SLC60A2: variants seen among roughly 807,000 people sequenced by gnomAD.
SLC60A2 encodes major facilitator superfamily domain containing 4B.
chr6:111,266,599 A>G, the SLC60A2 span: 8 of 1,614,226 alleles, frequency 5.0e-6, no homozygotes, highest in Middle Eastern at 3.3e-4. Context: ...TGGATTGAGC[A>G]GTACACGACC....
the SLC60A2 span, among the ~76,000 whole-genome samples, chr6:111,263,065 T>G: frequency 1.3e-5 from 2 of 152,066 alleles, no homozygotes; most frequent in South Asian, 4.2e-4. Flanking sequence ...AGCCTTCCAA[T>G]TAACTGGGAC....
chr6:111,262,446 GCTT>G, the SLC60A2 span: 1 of 1,594,486 alleles, frequency 6.3e-7, no homozygotes, highest in Non-Finnish European at 8.6e-7. Context: ...GCTAATTTTA[GCTT>G]CTTTATGACT....
the SLC60A2 span, chr6:111,259,525 C>T: frequency 1.8e-6 from 1 of 557,614 alleles, no homozygotes; most frequent in Non-Finnish European, 3.0e-6. Context: ...GACGACTTCT[C>T]CGGAGCCGCC....
At chr6:111,279,581 GA>G in the SLC60A2 span, among the ~76,000 whole-genome samples, 9 of 150,808 alleles carry the variant, frequency 6.0e-5, no homozygotes, top group Non-Finnish European at 1.0e-4. Context: ...TGGAGAGGAA[GA>G]GATCTCATGT....
At chr6:111,263,710 C>T in the SLC60A2 span, 11 of 588,214 alleles carry the variant, frequency 1.9e-5, no homozygotes, top group East Asian at 1.4e-4. Flanking sequence ...CAAAAACTCT[C>T]ATCTACTCAT....
the SLC60A2 span, among the ~76,000 whole-genome samples, chr6:111,261,610 C>G: frequency 6.6e-6 from 1 of 152,014 alleles, no homozygotes; most frequent in Non-Finnish European, 1.5e-5. Flanking sequence ...TTTATTCTTT[C>G]TGAGACAGAG....
chr6:111,265,885 T>A, the SLC60A2 span: 1 of 1,607,970 alleles, frequency 6.2e-7, no homozygotes, highest in African/African-American at 1.3e-5. Flanking sequence ...GGTGGTAACG[T>A]CCTTATCTTG....
chr6:111,278,239 T>A, the SLC60A2 span: 1 of 152,234 alleles, frequency 6.6e-6, no homozygotes, highest in Non-Finnish European at 1.5e-5. Context: ...AAACAGTAAC[T>A]GCCTCATGTA....
the SLC60A2 span, chr6:111,271,011 T>G: frequency 8.5e-6 from 1 of 117,650 alleles, no homozygotes; most frequent in Non-Finnish European, 2.2e-5. Flanking sequence ...AGTGGGTGAG[T>G]TATCGCAGAG....
At chr6:111,262,363 AT>A in the SLC60A2 span, 1 of 1,614,134 alleles carries the variant, frequency 6.2e-7, no homozygotes, top group Non-Finnish European at 8.5e-7. Context: ...GCCTTGGGAT[AT>A]TTGAGTGGCT....
At chr6:111,270,213 T>C in the SLC60A2 span, 6 of 152,186 alleles carry the variant, frequency 3.9e-5, no homozygotes, top group Non-Finnish European at 1.5e-5. Flanking sequence ...ATTACGTCAT[T>C]ATGGGAATAA....
chr6:111,266,786 C>T, the SLC60A2 span: 3 of 1,614,000 alleles, frequency 1.9e-6, no homozygotes, highest in South Asian at 1.1e-5. Context: ...ATAAATTAGC[C>T]ACTTCACCTC....
At chr6:111,273,209 C>T in the SLC60A2 span, among the ~76,000 whole-genome samples, 3 of 151,766 alleles carry the variant, frequency 2.0e-5, no homozygotes, top group Non-Finnish European at 2.9e-5. Context: ...GGAGTGCAGT[C>T]GCCTAATCAT....
chr6:111,263,704 A>G, the SLC60A2 span: 1 of 559,888 alleles, frequency 1.8e-6, no homozygotes, highest in Non-Finnish European at 3.2e-6. Context: ...TAGAAGCAAA[A>G]ACTCTCATCT....
the SLC60A2 span, among the ~76,000 whole-genome samples, chr6:111,273,027 C>T: frequency 4.0e-5 from 6 of 150,160 alleles, no homozygotes; most frequent in African/African-American, 1.5e-4. Context: ...GACGGGGTTT[C>T]ACCATGTCAG....
At chr6:111,267,263 A>T in the SLC60A2 span, 2 of 680,826 alleles carry the variant, frequency 2.9e-6, no homozygotes, top group Non-Finnish European at 4.8e-6. Context: ...AAATTTTTGA[A>T]ATGTTCTGTA....
At chr6:111,267,038 G>A in the SLC60A2 span, 1 of 1,614,120 alleles carries the variant, frequency 6.2e-7, no homozygotes, top group Non-Finnish European at 8.5e-7. Flanking sequence ...ATGCACTGGT[G>A]TTTGAGTCTT....
chr6:111,273,023 G>T, the SLC60A2 span, among the ~76,000 whole-genome samples: 1 of 151,996 alleles, frequency 6.6e-6, no homozygotes, highest in East Asian at 1.9e-4. Context: ...TAGAGACGGG[G>T]TTTCACCATG....
chr6:111,278,390 C>T, the SLC60A2 span: 1 of 152,078 alleles, frequency 6.6e-6, no homozygotes, highest in Non-Finnish European at 1.5e-5. Flanking sequence ...TTAGATGACC[C>T]TATCATTTTT....
Sources: allele counts gnomAD v4.1 joint callset (sites outside exome capture counted in the v4.1 genomes callset), GRCh38; gene constraint gnomAD v4.1.1; transcripts MANE v1.5; gene names NCBI Gene and HGNC (gene_info 2026-07-23, HGNC 2026-07-21).